Variants in DISC1 observed in about 807,000 individuals in gnomAD.
DISC1 encodes the protein disrupted in schizophrenia 1 protein.
In DISC1, 57 loss-of-function variants were observed where a neutral mutation model predicts 84.5. The observed-to-expected ratio is 0.67, with a 90% CI of 0.55 to 0.84. DISC1 has a LOEUF of 0.84. DISC1 is among the 40% of genes least tolerant of loss of function. DISC1 has a pLI of 0.00. For missense variants in DISC1, 1,000 were observed against 1,057.8 expected (o/e 0.95, Z 0.76); for synonymous variants, 411 against 415.2 (o/e 0.99, Z 0.12).
At chr1:231,722,848 C>A (rs369331261) in intron 3 of DISC1, 6 of 1,412,578 alleles carry the variant, frequency 4.2e-6, no homozygotes, top group Admixed American at 2.9e-5. Flanking sequence ...TTCTCCCATG[C>A]GTTTCCCAGT....
intron 9 of DISC1, among the ~76,000 whole-genome samples, chr1:231,852,545 A>G (rs2083969926): frequency 6.6e-6 from 1 of 152,234 alleles, no homozygotes. Flanking sequence ...AATATTTTGT[A>G]AAGCATTCAT....
intron 9 of DISC1, among the ~76,000 whole-genome samples, chr1:231,923,310 AAAAAAAAAC>A (rs2090128009): frequency 6.6e-6 from 1 of 150,666 alleles, no homozygotes; most frequent in South Asian, 2.1e-4. Flanking sequence ...AAAAAACCAA[AAAAAAAAAC>A]AAAAAGAAAA....
At chr1:231,992,243 AC>A (rs2102922506) in intron 10 of DISC1, among the ~76,000 whole-genome samples, 1 of 151,986 alleles carries the variant, frequency 6.6e-6, no homozygotes, top group African/African-American at 2.4e-5. Context: ...AAACTATACA[AC>A]TCTCAGACCT....
chr1:231,836,214 G>T (rs2082621076), intron 9 of DISC1, among the ~76,000 whole-genome samples: 1 of 152,018 alleles, frequency 6.6e-6, no homozygotes, highest in Non-Finnish European at 1.5e-5. Context: ...ATTTTCTTAA[G>T]TTGATCCATT....
intron 3 of DISC1, chr1:231,722,894 G>A (rs768755094): frequency 2.3e-5 from 30 of 1,322,850 alleles, no homozygotes; most frequent in Non-Finnish European, 2.9e-5. Context: ...CTATTGTTCT[G>A]TGTTGGGACA....
At chr1:232,004,945 TTTCCTTCC>T (rs148052574) in intron 10 of DISC1, among the ~76,000 whole-genome samples, 924 of 68,650 alleles carry the variant, frequency 0.013, 8 homozygotes, top group Middle Eastern at 0.022. Flanking sequence ...TCCTTCTTCC[TTTCCTTCC>T]TTCCTTCCTT....
At position 231,908,122 on chromosome 1, in the gene DISC1, C is replaced by G. The variant is rs149661596; in HGVS notation, c.1982-50706C>G. Among the ~76,000 whole-genome samples, 829 of 152,162 alleles carry G rather than the reference C, an allele frequency of 5.4e-3. 7 individuals are homozygous for G. The highest frequency in any genetic ancestry group is 0.018 in the African/African-American group (759 of 41,508). On this transcript the variant is annotated intron_variant, in intron 9 of 12. Coordinates refer to ENST00000439617, the MANE Select transcript of DISC1 (RefSeq NM_018662.3). ...TTTTAAACTTTTCTCCCATTCTGTA[C>G]GTTGCCTGTTCACTCTGATGGTAGT...
rs919980571 is a variant in DISC1 at position 231,660,472 on chromosome 1, T to A, written c.68-33354T>A. Among the ~76,000 whole-genome samples the A allele has an allele frequency of 5.8e-4, 88 of 151,858 alleles. 3 individuals carry two copies. The highest frequency in any genetic ancestry group is 2.3e-3 in the South Asian group (11 of 4,808). Reference sequence around the variant, plus strand: ...TGGGGCATTTAGCCCAAAAAAAAAATATATATATTTTATATTTTTTGAGAT... The same window carrying A: ...TGGGGCATTTAGCCCAAAAAAAAAAAATATATATTTTATATTTTTTGAGAT... On this transcript the variant is annotated intron_variant, in intron 1 of 12. Coordinates refer to ENST00000439617, the MANE Select transcript of DISC1 (RefSeq NM_018662.3).
At chr1:231,952,438 G>T in intron 9 of DISC1, among the ~76,000 whole-genome samples, 1 of 152,052 alleles carries the variant, frequency 6.6e-6, no homozygotes, top group Non-Finnish European at 1.5e-5. Flanking sequence ...GTTGAACTCA[G>T]AAATCCTCTC....
intron 1 of DISC1, among the ~76,000 whole-genome samples, chr1:231,633,464 C>G (rs2058915031): frequency 6.6e-6 from 1 of 152,152 alleles, no homozygotes; most frequent in Admixed American, 6.6e-5. Context: ...GATCGTTGTC[C>G]TGCAGGATTG....
chr1:231,977,566 T>C (rs1662991408), intron 10 of DISC1, among the ~76,000 whole-genome samples: 2 of 152,210 alleles, frequency 1.3e-5, no homozygotes, highest in South Asian at 4.1e-4. Context: ...ATCCACCAGA[T>C]AATCCAGGAT....
chr1:231,908,198 C>T (rs2088881978), intron 9 of DISC1, among the ~76,000 whole-genome samples: 1 of 152,070 alleles, frequency 6.6e-6, no homozygotes, highest in Non-Finnish European at 1.5e-5. Context: ...CATTTGTCAA[C>T]TTTGGCTTTT....
chr1:232,024,178 T>G (rs1431746690), intron 11 of DISC1, among the ~76,000 whole-genome samples: 1 of 152,168 alleles, frequency 6.6e-6, no homozygotes. Context: ...CCTTTAATTG[T>G]GTCCATATGT....
At chr1:231,653,404 C>A (rs952370970) in intron 1 of DISC1, among the ~76,000 whole-genome samples, 2 of 152,074 alleles carry the variant, frequency 1.3e-5, no homozygotes, top group Admixed American at 1.3e-4. Flanking sequence ...TTGCCCTGGC[C>A]CTTGCTGCTT....
At chr1:232,010,497 G>C (rs929637299) in intron 11 of DISC1, among the ~76,000 whole-genome samples, 2 of 152,162 alleles carry the variant, frequency 1.3e-5, no homozygotes, top group African/African-American at 4.8e-5. Flanking sequence ...GATTCTGCTG[G>C]AGGCCAGGAC....
chr1:232,015,920 A>G (rs16856182), intron 11 of DISC1, among the ~76,000 whole-genome samples: 4,287 of 152,154 alleles, frequency 0.028, 261 homozygotes, highest in East Asian at 0.24. Flanking sequence ...TTTTGCTCAT[A>G]TGATTAGGAA....
chr1:231,995,657 A>G (rs1409310893), intron 10 of DISC1, among the ~76,000 whole-genome samples: 1 of 152,020 alleles, frequency 6.6e-6, no homozygotes, highest in Non-Finnish European at 1.5e-5. Flanking sequence ...ATGTCCCTAC[A>G]AAGGACATGA....
At chr1:231,771,141 G>A (rs1294455383) in intron 6 of DISC1, 71 bp downstream of exon 6, 2 of 1,477,496 alleles carry the variant, frequency 1.4e-6, no homozygotes, top group Admixed American at 2.5e-5. Context: ...GATTTTGTCT[G>A]CTGTCTTTCA....
At chr1:231,868,690 TC>T (rs1405717553) in intron 9 of DISC1, among the ~76,000 whole-genome samples, 4 of 100,422 alleles carry the variant, frequency 4.0e-5, no homozygotes, top group Non-Finnish European at 8.0e-5. Context: ...AGACCCCATC[TC>T]TTATATATAT....
Sources: gnomAD v4.1 joint callset for allele counts (sites outside exome capture counted in the v4.1 genomes callset) on GRCh38, gnomAD v4.1.1 for gene constraint, MANE v1.5 for transcripts, NCBI Gene and HGNC (gene_info 2026-07-23, HGNC 2026-07-21) for gene names.